KIAA1217: variants seen among roughly 807,000 people sequenced by gnomAD.
KIAA1217 encodes the protein KIAA1217.
KIAA1217 carries 88 observed loss-of-function variants against 163.9 expected under a neutral mutation model. The observed-to-expected ratio is 0.54, with a 90% CI of 0.45 to 0.64. KIAA1217 has a LOEUF of 0.64. Ranked by LOEUF, KIAA1217 falls within the 30% of genes least tolerant of loss-of-function variation. The pLI is 0.00. For missense variants in KIAA1217, 2,372 were observed against 2,475.0 expected, an observed-to-expected ratio of 0.96 and a Z score of 0.88; for synonymous variants, 903 against 923.1, an observed-to-expected ratio of 0.98 and a Z score of 0.39.
At chr10:24,368,056 C>T (rs141775033) in intron 2 of KIAA1217, among the ~76,000 whole-genome samples, 195 of 152,318 alleles carry the variant, frequency 1.3e-3, no homozygotes, top group African/African-American at 4.5e-3. Flanking sequence ...TTAGAAAGTT[C>T]CTGCCCAGAC....
chr10:24,250,024 G>T (rs1401849553), intron 2 of KIAA1217, among the ~76,000 whole-genome samples: 1 of 152,172 alleles, frequency 6.6e-6, no homozygotes, highest in Admixed American at 6.5e-5. Context: ...TGCCATTTCA[G>T]TGATGCACCA....
At chr10:24,484,208 T>G (rs1204724333) in intron 6 of KIAA1217, among the ~76,000 whole-genome samples, 5 of 135,570 alleles carry the variant, frequency 3.7e-5, no homozygotes, top group South Asian at 2.6e-4. Flanking sequence ...TACATATATA[T>G]AGATAGATAG....
chr10:23,836,860 T>G lies in KIAA1217; in HGVS notation c.-321+141626T>G, dbSNP rs113027408. 5.3e-3 allele frequency among the ~76,000 whole-genome samples: 774 copies of G among 146,136 alleles called. 11 individuals carry two copies. The highest frequency in any genetic ancestry group is 0.018 in the African/African-American group (702 of 39,588). ...TGAGGAGGATTGCTTGAGCCTGGGA[T>G]GTCAATGAGCTGTGATCGTGTCACT... On this transcript the variant is annotated intron_variant, in intron 1 of 18. Coordinates refer to the KIAA1217 transcript ENST00000376462.
intron 2 of KIAA1217, among the ~76,000 whole-genome samples, chr10:24,364,250 A>ATT (rs2050443466): frequency 6.6e-6 from 1 of 152,132 alleles, no homozygotes. Context: ...AAGTGCTGGG[A>ATT]TTACAGGCGT....
chr10:23,851,886 T>G (rs1405053326), intron 1 of KIAA1217, among the ~76,000 whole-genome samples: 1 of 152,138 alleles, frequency 6.6e-6, no homozygotes, highest in African/African-American at 2.4e-5. Context: ...TAAATTTGTT[T>G]GAGTTCATTG....
intron 2 of KIAA1217, among the ~76,000 whole-genome samples, chr10:24,261,716 G>A (rs990879903): frequency 1.3e-5 from 2 of 152,092 alleles, no homozygotes; most frequent in Non-Finnish European, 1.5e-5. Context: ...GAGTGACTAG[G>A]GGGTGGGCTA....
Position 24,469,212 on chromosome 10 carries a change from G to A in KIAA1217, c.847-4016G>A, listed in dbSNP as rs1278387088. Among the ~76,000 whole-genome samples, 10 of 151,506 alleles carry A rather than the reference G, an allele frequency of 6.6e-5. 1 individual carries two copies. The highest frequency in any genetic ancestry group is 2.6e-4 in the Admixed American group (4 of 15,222). On this transcript the variant is annotated intron_variant, in intron 5 of 20. Transcript: ENST00000376454. ...GTATTCTTGGCTCACTGCAACCTCCGCCTCCCAGGCTCAAGCAATTCGTGT... is the reference window on the plus strand; with the variant it reads ...GTATTCTTGGCTCACTGCAACCTCCACCTCCCAGGCTCAAGCAATTCGTGT...
At chr10:23,790,377 G>GCACA (rs1419782235) in intron 1 of KIAA1217, among the ~76,000 whole-genome samples, 1 of 67,632 alleles carries the variant, frequency 1.5e-5, no homozygotes, top group Non-Finnish European at 2.7e-5. Flanking sequence ...ATATACATAT[G>GCACA]TATATATACA....
Position 23,885,175 on chromosome 10 carries a change from A to G in KIAA1217, c.-320-122050A>G, listed in dbSNP as rs112077698. On this transcript the variant is annotated intron_variant, in intron 1 of 18. Coordinates refer to the KIAA1217 transcript ENST00000376462. The stretch of plus-strand genomic sequence containing the variant: ...TAAAAATTGTATTTATTTAAGATGA[A>G]CACTGTGATGTTTTGATATATACAT... Among the ~76,000 whole-genome samples the G allele has an allele frequency of 4.0e-3, 607 of 152,098 alleles. 1 individual carries two copies. Among genetic ancestry groups the G allele is most frequent in the African/African-American group, 0.014 (578 of 41,550 alleles).
At chr10:23,899,979 C>T (rs936809559) in intron 1 of KIAA1217, among the ~76,000 whole-genome samples, 5 of 150,650 alleles carry the variant, frequency 3.3e-5, no homozygotes, top group East Asian at 2.0e-4. Flanking sequence ...TCTCTTCCTT[C>T]CTCTCTCCCT....
At chr10:24,488,632 G>A (rs898958784) in intron 6 of KIAA1217, among the ~76,000 whole-genome samples, 2 of 152,162 alleles carry the variant, frequency 1.3e-5, no homozygotes, top group Non-Finnish European at 2.9e-5. Context: ...AAATAGAAAG[G>A]TCATTGCTTA....
chr10:24,457,255 TACC>T (rs1165851020), intron 5 of KIAA1217, among the ~76,000 whole-genome samples: 3 of 152,194 alleles, frequency 2.0e-5, no homozygotes, highest in Admixed American at 1.3e-4. Flanking sequence ...GAAGATAAGC[TACC>T]TTTGGTTCAG....
Position 23,851,840 on chromosome 10 carries a change from G to A in KIAA1217, c.-320-155385G>A, listed in dbSNP as rs898852566. Among the ~76,000 whole-genome samples, 108 of 151,570 alleles carry A rather than the reference G, an allele frequency of 7.1e-4. 1 individual carries two copies. The highest frequency in any genetic ancestry group is 1.2e-3 in the Non-Finnish European group (80 of 67,922). Reference sequence around the variant, plus strand: ...TGAGAAGTGTCTGTTCATGTCCTTCGCCCACTTTTTGATGGGGTTGTTTGT... The same window carrying A: ...TGAGAAGTGTCTGTTCATGTCCTTCACCCACTTTTTGATGGGGTTGTTTGT... On this transcript the variant is annotated intron_variant, in intron 1 of 18. Transcript: ENST00000376462.
chr10:24,448,014 C>G (rs973052283), intron 5 of KIAA1217, among the ~76,000 whole-genome samples: 1 of 152,002 alleles, frequency 6.6e-6, no homozygotes, highest in Admixed American at 6.6e-5. Flanking sequence ...CCTATAGTCC[C>G]AGCTACTCAG....
chr10:24,002,039 G>A (rs1227800429), intron 1 of KIAA1217, among the ~76,000 whole-genome samples: 2 of 152,162 alleles, frequency 1.3e-5, no homozygotes, highest in Admixed American at 1.3e-4. Context: ...TCCCTATGGG[G>A]TCTGTGATAG....
At chr10:24,183,670 T>C (rs1443378651) in intron 2 of KIAA1217, among the ~76,000 whole-genome samples, 2 of 152,222 alleles carry the variant, frequency 1.3e-5, no homozygotes, top group African/African-American at 2.4e-5. Flanking sequence ...TAGCCTCTTC[T>C]TGGTTATTCT....
upstream of KIAA1217, chr10:24,208,857 TG>T: frequency 3.9e-6 from 1 of 258,450 alleles, no homozygotes; most frequent in East Asian, 9.3e-5. Flanking sequence ...GGCCGTCACC[TG>T]TTGAGGCCTC....
chr10:23,724,364 G>T (rs941020565), intron 1 of KIAA1217, among the ~76,000 whole-genome samples: 1 of 151,908 alleles, frequency 6.6e-6, no homozygotes, highest in African/African-American at 2.4e-5. Context: ...AACTTTGAAT[G>T]TTATTTCTGT....
At chr10:24,396,534 G>A (rs2055776438) in intron 3 of KIAA1217, among the ~76,000 whole-genome samples, 3 of 152,140 alleles carry the variant, frequency 2.0e-5, no homozygotes, top group Admixed American at 6.5e-5. Context: ...GAGCGCTGAA[G>A]ACATGAAGAT....
Sources: gnomAD v4.1 joint callset for allele counts (sites outside exome capture counted in the v4.1 genomes callset) on GRCh38, gnomAD v4.1.1 for gene constraint, MANE v1.5 for transcripts, NCBI Gene and HGNC (gene_info 2026-07-23, HGNC 2026-07-21) for gene names.